EXTL3: variants seen among roughly 807,000 people sequenced by gnomAD.
EXTL3 encodes the protein exostosin-like 3.
A neutral mutation model predicts 69.3 loss-of-function variants in EXTL3; 27 were observed. That is an observed-to-expected ratio of 0.39 (90% confidence interval 0.29 to 0.54). The LOEUF (loss-of-function observed/expected upper bound fraction) is 0.54, where lower values mean the gene tolerates loss of function less well. Among genes scored for constraint, EXTL3 ranks in the 20% least tolerant of loss-of-function variants. EXTL3 has a pLI of 0.69. For synonymous variants in EXTL3, 511 were observed against 499.4 expected (o/e 1.02, Z -0.31); for missense variants, 1,003 against 1,231.8 (o/e 0.81, Z 2.78).
rs554776325 is a variant in EXTL3, at chr8:28,713,468, C to T, written c.-558C>T. On this transcript the variant is annotated 5_prime_UTR_variant, in exon 2 of 7. Coordinates refer to ENST00000220562, the MANE Select transcript of EXTL3 (RefSeq NM_001440.4). ...TTTTTTTAAATCAGGAGAGCAAGCC[C>T]TGGAGGTTCACTCTTTCAAGAAGTC... 31 of 695,132 alleles carry T rather than the reference C, an allele frequency of 4.5e-5. 1 individual carries two copies. Among genetic ancestry groups the T allele is most frequent in the African/African-American group, 5.3e-5 (3 of 56,792 alleles). 43.1% of individuals were successfully genotyped at this position (695,132 alleles called of 1,614,324 possible). A position where few individuals can be genotyped will look rare whatever the true frequency, so the allele number is the denominator to read the frequency against.
intron 3 of EXTL3, among the ~76,000 whole-genome samples, chr8:28,724,616 A>AAAAG (rs1554485772): frequency 0.013 from 1,890 of 148,580 alleles, 35 homozygotes; most frequent in African/African-American, 0.044. Context: ...AAAAAAAAAA[A>AAAAG]AAGAAGAAGA....
At chr8:28,665,367 G>T (rs367854868) in intron 1 of EXTL3, among the ~76,000 whole-genome samples, 55 of 149,746 alleles carry the variant, frequency 3.7e-4, no homozygotes, top group African/African-American at 1.4e-3. Context: ...GAGCCACCAC[G>T]TCTGGCCACC....
intron 3 of EXTL3, among the ~76,000 whole-genome samples, chr8:28,725,108 G>A (rs1801385586): frequency 6.6e-6 from 1 of 152,156 alleles, no homozygotes; most frequent in Non-Finnish European, 1.5e-5. Flanking sequence ...ATTTGCTATA[G>A]GGATGTATTA....
intron 1 of EXTL3, among the ~76,000 whole-genome samples, chr8:28,630,703 G>A (rs1359826902): frequency 1.3e-5 from 2 of 152,246 alleles, no homozygotes; most frequent in African/African-American, 4.8e-5. Flanking sequence ...TGGCAATACT[G>A]TGTTAGGAGC....
chr8:28,675,404 T>C (rs928319344), intron 1 of EXTL3, among the ~76,000 whole-genome samples: 3 of 152,208 alleles, frequency 2.0e-5, no homozygotes, highest in Non-Finnish European at 4.4e-5. Context: ...GTGGTCAGTA[T>C]AGTCCAATTA....
chr8:28,721,597 T>C (rs1331690296), intron 3 of EXTL3, among the ~76,000 whole-genome samples: 1 of 152,222 alleles, frequency 6.6e-6, no homozygotes, highest in East Asian at 1.9e-4. Context: ...TAGTGCCTTC[T>C]GGAAATTCTT....
At chr8:28,694,757 A>C (rs1800660754) in intron 1 of EXTL3, among the ~76,000 whole-genome samples, 1 of 152,190 alleles carries the variant, frequency 6.6e-6, no homozygotes, top group Non-Finnish European at 1.5e-5. Flanking sequence ...CACACCTGTA[A>C]TCCCAGCACT....
At chr8:28,622,663 G>A (rs1241355483), upstream of EXTL3, 1 of 150,552 alleles carries the variant, frequency 6.6e-6, no homozygotes, top group Non-Finnish European at 1.5e-5. Context: ...GGTGGGACCG[G>A]GAGCCGGCCG....
At chr8:28,629,412 G>GTTCA (rs141995904) in intron 1 of EXTL3, among the ~76,000 whole-genome samples, 3 of 151,988 alleles carry the variant, frequency 2.0e-5, no homozygotes, top group Non-Finnish European at 2.9e-5. Context: ...GAGTGAGTTA[G>GTTCA]TTCATTCATT....
At chr8:28,708,082 G>A (rs1222740671) in intron 1 of EXTL3, among the ~76,000 whole-genome samples, 2 of 152,122 alleles carry the variant, frequency 1.3e-5, no homozygotes. Context: ...GAACACCTTG[G>A]GATTTAGAAA....
In EXTL3 at chr8:28,716,577, C is replaced by T; in HGVS notation, c.518C>T (p.Ala173Val). Residue 173 changes from alanine (A) to valine (V), a missense_variant, in exon 3 of 7, where the codon GCC (alanine) becomes GTC (valine). Ala to Val is a moderately conservative substitution (Grantham distance 64). Coordinates refer to ENST00000220562, the MANE Select transcript of EXTL3 (RefSeq NM_001440.4). This position sits in a 1 kb window ranked among gnomAD's most constrained non-coding sequence, Gnocchi z 7.1. Reference protein sequence around the residue: ...KDDAGLPPPKATRGCRLHNCF... With the variant: ...KDDAGLPPPKVTRGCRLHNCF... ...GATGCCGGCCTCCCTCCCCCGAAGG[C>T]CACTCGGGGCTGCCGGCTACACAAC... 6.2e-7 allele frequency: 1 copy of T among 1,614,212 alleles called. No homozygotes were observed. The highest frequency in any genetic ancestry group is 1.1e-5 in the South Asian group (1 of 91,090).
chr8:28,702,167 C>A (rs1400528367), intron 1 of EXTL3, among the ~76,000 whole-genome samples: 1 of 151,968 alleles, frequency 6.6e-6, no homozygotes, highest in Non-Finnish European at 1.5e-5. Context: ...ATCTGCCCCC[C>A]GCTTCTACAC....
chr8:28,705,900 C>G lies in EXTL3; in HGVS notation c.-570+4241C>G, dbSNP rs767636412. On this transcript the variant is annotated intron_variant, in intron 1 of 6. Coordinates refer to ENST00000220562, the MANE Select transcript of EXTL3 (RefSeq NM_001440.4). ...AAGATAGGAAGAATGCAGAAATCACCTATAATTTCACAATCTAGAAGTGCC... is the reference window on the plus strand; with the variant it reads ...AAGATAGGAAGAATGCAGAAATCACGTATAATTTCACAATCTAGAAGTGCC... 2.0e-5 allele frequency among the ~76,000 whole-genome samples: 3 copies of G among 152,178 alleles called. No homozygotes were observed. The East Asian group carries it at 5.8e-4, about 29-fold the overall frequency.
chr8:28,744,131 A>C (rs1182839508), intron 6 of EXTL3: 1 of 152,164 alleles, frequency 6.6e-6, no homozygotes, highest in Non-Finnish European at 1.5e-5. Context: ...TGTTATTAGA[A>C]CCAATAATGC....
chr8:28,740,803 TA>T (rs1231729706), intron 5 of EXTL3: 2 of 152,226 alleles, frequency 1.3e-5, no homozygotes, highest in African/African-American at 2.4e-5. Flanking sequence ...GAGGTTGAAA[TA>T]ACGATGAAAC....
intron 1 of EXTL3, among the ~76,000 whole-genome samples, chr8:28,657,185 C>T (rs1286974279): frequency 6.6e-6 from 1 of 152,108 alleles, no homozygotes; most frequent in African/African-American, 2.4e-5. Flanking sequence ...TCAGGTGATC[C>T]ACCTGCCTCG....
At chr8:28,702,615 C>A (rs1800835492) in intron 1 of EXTL3, among the ~76,000 whole-genome samples, 1 of 146,008 alleles carries the variant, frequency 6.8e-6, no homozygotes, top group African/African-American at 2.5e-5. Context: ...TTTTTCTTCC[C>A]TTTTTAAAAA....
chr8:28,626,656 T>C (rs1220637349), intron 1 of EXTL3, among the ~76,000 whole-genome samples: 1 of 152,152 alleles, frequency 6.6e-6, no homozygotes, highest in African/African-American at 2.4e-5. Context: ...ACCCTGTAAG[T>C]TGAGTATTAT....
chr8:28,743,320 A>G lies in EXTL3; in HGVS notation c.2550+106A>G, dbSNP rs113776760. On this transcript the variant is annotated intron_variant, in intron 6 of 6. Transcript: ENST00000220562. The stretch of plus-strand genomic sequence containing the variant: ...ACTGTACCTCAGAGTCCTCATTTGT[A>G]CAATAGGGATGATACTACCTACCTC... 8,151 of 1,282,210 alleles carry G rather than the reference A, an allele frequency of 6.4e-3. 31 individuals carry two copies. Among genetic ancestry groups the G allele is most frequent in the African/African-American group, 0.014 (956 of 68,662 alleles). 79.4% of individuals were successfully genotyped at this position (1,282,210 alleles called of 1,614,324 possible). A position where few individuals can be genotyped will look rare whatever the true frequency, so the allele number is the denominator to read the frequency against.
Sources: gnomAD v4.1 joint callset for allele counts (sites outside exome capture counted in the v4.1 genomes callset) on GRCh38, gnomAD v4.1.1 for gene constraint, Gnocchi (gnomAD v3.1) non-coding constraint, MANE v1.5 for transcripts, NCBI Gene and HGNC (gene_info 2026-07-23, HGNC 2026-07-21) for gene names.